The following SLC35D4 variants were observed in gnomAD, a reference collection of about 807,000 sequenced individuals.
The protein encoded by SLC35D4 is UDP-N-acetylglucosamine transporter SLC35D4.
chr18:23,339,967 G>A, the SLC35D4 span, among the ~76,000 whole-genome samples: 1 of 152,136 alleles, frequency 6.6e-6, no homozygotes, highest in Non-Finnish European at 1.5e-5. Context: ...AGAGCAAAGG[G>A]GTTCCGCGAA....
the SLC35D4 span, among the ~76,000 whole-genome samples, chr18:23,263,156 A>G: frequency 6.6e-6 from 1 of 152,230 alleles, no homozygotes; most frequent in Non-Finnish European, 1.5e-5. Context: ...CAAGATTCAA[A>G]CCCAGCTATA....
chr18:23,422,406 C>T, the SLC35D4 span, among the ~76,000 whole-genome samples: 1 of 152,246 alleles, frequency 6.6e-6, no homozygotes, highest in African/African-American at 2.4e-5. Context: ...TCCACCTCAC[C>T]TCTTTGGCCT....
chr18:23,361,103 CAAAAAAAAAAAA>C, the SLC35D4 span, among the ~76,000 whole-genome samples: 2 of 94,110 alleles, frequency 2.1e-5, no homozygotes, highest in Non-Finnish European at 4.1e-5. Context: ...GACTTTGTCT[CAAAAAAAAAAAA>C]AAAAAAAAAA....
chr18:23,283,027 T>C, the SLC35D4 span, among the ~76,000 whole-genome samples: 5 of 151,700 alleles, frequency 3.3e-5, no homozygotes, highest in Non-Finnish European at 5.9e-5. Context: ...CACCTTGTTA[T>C]ACCCCCTACC....
At chr18:23,433,448 A>T in the SLC35D4 span, among the ~76,000 whole-genome samples, 2 of 152,232 alleles carry the variant, frequency 1.3e-5, no homozygotes, top group African/African-American at 4.8e-5. Flanking sequence ...TGTCCAGAAC[A>T]GAAATGAACT....
the SLC35D4 span, among the ~76,000 whole-genome samples, chr18:23,435,465 C>T: frequency 6.6e-6 from 1 of 152,118 alleles, no homozygotes; most frequent in Non-Finnish European, 1.5e-5. Flanking sequence ...CACAAATTCA[C>T]AAATTTCTGA....
At chr18:23,350,711 C>T in the SLC35D4 span, among the ~76,000 whole-genome samples, 1 of 152,084 alleles carries the variant, frequency 6.6e-6, no homozygotes, top group African/African-American at 2.4e-5. Flanking sequence ...CGTGTTCATG[C>T]ACCACCGAGT....
the SLC35D4 span, among the ~76,000 whole-genome samples, chr18:23,335,121 A>T: frequency 1.6e-4 from 24 of 152,210 alleles, no homozygotes; most frequent in Non-Finnish European, 3.5e-4. Context: ...TACACTTTAT[A>T]CAAATTCCAC....
the SLC35D4 span, among the ~76,000 whole-genome samples, chr18:23,280,871 T>C: frequency 6.6e-6 from 1 of 152,082 alleles, no homozygotes; most frequent in Non-Finnish European, 1.5e-5. Flanking sequence ...TGGAGCTCCC[T>C]CACCTATCTC....
the SLC35D4 span, among the ~76,000 whole-genome samples, chr18:23,382,239 C>CAAAAAAAAA: frequency 2.6e-5 from 2 of 75,694 alleles, no homozygotes; most frequent in Non-Finnish European, 5.0e-5. Context: ...GACTCAGTCT[C>CAAAAAAAAA]AAAAAAAAAA....
the SLC35D4 span, chr18:23,259,984 T>TC: frequency 2.6e-5 from 4 of 151,704 alleles, no homozygotes; most frequent in East Asian, 2.0e-4. Context: ...TGATTCCTTT[T>TC]CCCCCGGAGC....
At chr18:23,421,427 C>T in the SLC35D4 span, 2 of 1,613,922 alleles carry the variant, frequency 1.2e-6, no homozygotes, top group African/African-American at 2.7e-5. Flanking sequence ...CAAAAGTCCA[C>T]CAATGAGCGT....
At chr18:23,363,364 A>ATT in the SLC35D4 span, among the ~76,000 whole-genome samples, 1,774 of 90,454 alleles carry the variant, frequency 0.02, 420 homozygotes, top group African/African-American at 0.051. Flanking sequence ...ACAAAAGCAC[A>ATT]TTTTTTTTTT....
chr18:23,324,697 C>A, the SLC35D4 span, among the ~76,000 whole-genome samples: 1 of 152,126 alleles, frequency 6.6e-6, no homozygotes, highest in African/African-American at 2.4e-5. Context: ...AGGGCTGAGT[C>A]CTGTGCTAAG....
chr18:23,371,926 G>GTTTT, the SLC35D4 span, among the ~76,000 whole-genome samples: 12 of 11,856 alleles, frequency 1.0e-3, no homozygotes, highest in African/African-American at 2.7e-3. Context: ...TTTCTTCCTT[G>GTTTT]TTTTTTTTGT....
the SLC35D4 span, among the ~76,000 whole-genome samples, chr18:23,371,149 C>A: frequency 6.7e-6 from 1 of 150,010 alleles, no homozygotes; most frequent in Non-Finnish European, 1.5e-5. Flanking sequence ...GGCTGGAGTG[C>A]GGTGGTGTGA....
chr18:23,275,750 G>A, the SLC35D4 span, among the ~76,000 whole-genome samples: 2 of 152,138 alleles, frequency 1.3e-5, no homozygotes, highest in African/African-American at 4.8e-5. Context: ...AAGTGGGATG[G>A]GGTGTTCTAG....
At chr18:23,377,761 A>G in the SLC35D4 span, 5 of 1,183,258 alleles carry the variant, frequency 4.2e-6, no homozygotes, top group African/African-American at 8.0e-5. Flanking sequence ...AGGCAAATAA[A>G]TTATGAGTAG....
the SLC35D4 span, among the ~76,000 whole-genome samples, chr18:23,393,603 T>C: frequency 6.6e-6 from 1 of 152,296 alleles, no homozygotes; most frequent in South Asian, 2.1e-4. Flanking sequence ...CTGAATAATA[T>C]TCCATTGTTT....
Sources: allele counts gnomAD v4.1 joint callset (sites outside exome capture counted in the v4.1 genomes callset), GRCh38; gene constraint gnomAD v4.1.1; transcripts MANE v1.5; gene names NCBI Gene and HGNC (gene_info 2026-07-23, HGNC 2026-07-21).